NADK: variants seen among roughly 807,000 people sequenced by gnomAD.
The protein encoded by NADK is poly(P)/ATP NAD kinase.
Under a neutral mutation model 49.8 loss-of-function variants are expected in NADK, and 22 were observed. The observed-to-expected ratio is 0.44, with a 90% CI of 0.32 to 0.63. The LOEUF is 0.63. NADK is among the 30% of genes least tolerant of loss of function. The pLI is 0.06. For missense variants in NADK, 438 were observed against 609.4 expected, an observed-to-expected ratio of 0.72 and a Z score of 2.96; for synonymous variants, 268 against 253.7, an observed-to-expected ratio of 1.06 and a Z score of -0.54.
Position 1,754,628 on chromosome 1 carries a change from C to T in NADK, c.759G>A (p.Thr253=), listed in dbSNP as rs185484285. 75 of 1,613,790 alleles carry T rather than the reference C, an allele frequency of 4.6e-5. No homozygotes were observed. Among genetic ancestry groups the T allele is most frequent in the Middle Eastern group, 1.6e-4 (1 of 6,084 alleles). Residue 253 remains threonine, a synonymous_variant, in exon 8 of 12, where the codon ACG becomes ACA. Coordinates refer to ENST00000341426, the MANE Select transcript of NADK (RefSeq NM_023018.5). This position sits in a 1 kb window ranked among gnomAD's most constrained non-coding sequence, Gnocchi z 4.3. ...TCTCACCCAGCCCATTGTGCACGGC[C>T]GTCTTCTTCCCCCGGAGCTCCTTCA... is the stretch of plus-strand genomic sequence containing the variant. ...RVVKELRGKK[T]AVHNGLGENG... is the part of the protein sequence containing the mutation.
rs1280853778 is a variant in NADK at position 1,753,976 on chromosome 1, G to T, written c.1101+75C>A. On this transcript the variant is annotated intron_variant, in intron 10 of 11. Coordinates refer to ENST00000341426, the MANE Select transcript of NADK (RefSeq NM_023018.5). Reference sequence around the variant, plus strand: ...GCTGGAGCCAGCATGGCAGAGCGGGGTGCTAGGTCCCGGCTTTGTGTTGCA... The same window carrying T: ...GCTGGAGCCAGCATGGCAGAGCGGGTTGCTAGGTCCCGGCTTTGTGTTGCA... The T allele has an allele frequency of 2.7e-6, 4 of 1,496,686 alleles. No individual in the cohort carries two copies. The East Asian group carries it at 6.8e-5, about 26-fold the overall frequency. The allele number at this position is 1,496,686 out of a possible 1,614,324, so 92.7% of individuals were successfully genotyped here.
At chr1:1,755,776 G>A (rs141101643) in intron 6 of NADK, among the ~76,000 whole-genome samples, 77 of 152,288 alleles carry the variant, frequency 5.1e-4, no homozygotes, top group African/African-American at 1.8e-3. Flanking sequence ...CCTTGGGGTC[G>A]GAGCCTCGCG....
At chr1:1,770,471 A>T (rs988385995) in intron 1 of NADK, among the ~76,000 whole-genome samples, 24 of 152,232 alleles carry the variant, frequency 1.6e-4, no homozygotes, top group African/African-American at 5.8e-4. Context: ...CAGAAGGCAA[A>T]TTCAATACAC....
At chr1:1,764,585 A>G (rs1444458742) in intron 2 of NADK, among the ~76,000 whole-genome samples, 1 of 152,126 alleles carries the variant, frequency 6.6e-6, no homozygotes, top group Non-Finnish European at 1.5e-5. Flanking sequence ...ATGTCCCCTC[A>G]CACCCCAGTG....
At chr1:1,758,765 C>CCA (rs1419992957) in intron 3 of NADK, 1 of 576,828 alleles carries the variant, frequency 1.7e-6, no homozygotes, top group African/African-American at 2.0e-5. Flanking sequence ...AGCAAAGAGG[C>CCA]CACACTTCAG....
chr1:1,774,055 A>G (rs1308845416), intron 1 of NADK, among the ~76,000 whole-genome samples: 1 of 152,010 alleles, frequency 6.6e-6, no homozygotes, highest in African/African-American at 2.4e-5. Flanking sequence ...GTTCATATTT[A>G]TTTGCGAAGA....
At chr1:1,774,804 C>A (rs1469261544) in intron 1 of NADK, among the ~76,000 whole-genome samples, 1 of 152,072 alleles carries the variant, frequency 6.6e-6, no homozygotes, top group East Asian at 1.9e-4. Context: ...TAGCATGAAT[C>A]TAATTTTAAA....
chr1:1,764,621 G>A (rs1200683859), intron 2 of NADK, among the ~76,000 whole-genome samples: 1 of 152,202 alleles, frequency 6.6e-6, no homozygotes, highest in Non-Finnish European at 1.5e-5. Flanking sequence ...ATGTTTCCAG[G>A]CCAGGCACAG....
At position 1,778,247 on chromosome 1, in the gene NADK, G is replaced by A. The variant is rs1387271320; in HGVS notation, c.-41+42C>T. 6.6e-6 allele frequency: 1 copy of A among 152,050 alleles called. No homozygotes were observed. The highest frequency in any genetic ancestry group is 1.5e-5 in the Non-Finnish European group (1 of 67,968). 9.4% of individuals were successfully genotyped at this position (152,050 alleles called of 1,614,324 possible). A position where few individuals can be genotyped will look rare whatever the true frequency, so the allele number is the denominator to read the frequency against. On this transcript the variant is annotated intron_variant, in intron 1 of 11. Coordinates refer to ENST00000341426, the MANE Select transcript of NADK (RefSeq NM_023018.5). This position sits in a 1 kb window ranked among gnomAD's most constrained non-coding sequence, Gnocchi z 4.9. The stretch of plus-strand genomic sequence containing the variant: ...GCGGGCAGCGATGACCCCAGGCAGC[G>A]GGCGACCCCAGGCGGACGGCAGGCC...
In NADK at chr1:1,759,670, G is replaced by A. The variant is rs570655796; in HGVS notation, c.263+2282C>T. 653 of 1,494,364 alleles carry A rather than the reference G, an allele frequency of 4.4e-4. 10 individuals carry two copies. The South Asian group carries it at 7.7e-3, about 18-fold the overall frequency. The allele number at this position is 1,494,364 out of a possible 1,614,324, so 92.6% of individuals were successfully genotyped here. ...ATCCCAGAGACACAGAGCCCAGAGG[G>A]GGCGTGCTCCCATGGGGGTGCCGAG... On this transcript the variant is annotated intron_variant, in intron 3 of 11. Transcript: ENST00000341426.
At chr1:1,753,390 C>T (rs896880356) in intron 11 of NADK, among the ~76,000 whole-genome samples, 177 bp downstream of exon 11, 13 of 152,184 alleles carry the variant, frequency 8.5e-5, no homozygotes, top group African/African-American at 2.4e-4. Flanking sequence ...CCACCGTATG[C>T]GACCCGCTGC....
At position 1,756,577 on chromosome 1, in the gene NADK, A is replaced by C; in HGVS notation, c.425T>G (p.Val142Gly). Residue 142 changes from valine (V) to glycine (G), a missense_variant, in exon 5 of 12, where the codon GTG becomes GGG. Coordinates refer to ENST00000341426, the MANE Select transcript of NADK (RefSeq NM_023018.5). Reference protein sequence around the residue: ...ENMIVYVEKKVLEDPAIASDE... With the variant: ...ENMIVYVEKKGLEDPAIASDE... ...GCTGGCGATGGCAGGGTCTTCTAGC[A>C]CTTTCTTTTCCACATACACGATCAT... 6.2e-7 allele frequency: 1 copy of C among 1,614,090 alleles called. No individual in the cohort carries two copies. The highest frequency in any genetic ancestry group is 8.5e-7 in the Non-Finnish European group (1 of 1,180,026).
At chr1:1,758,687 A>AACAAAAC (rs35357728) in intron 3 of NADK, 2 of 1,388,772 alleles carry the variant, frequency 1.4e-6, no homozygotes, top group African/African-American at 1.5e-5. Context: ...AACAAAACAA[A>AACAAAAC]ACAGTTTCCT....
rs1645460671 is a variant in NADK at position 1,754,861 on chromosome 1, A to T, written c.689-163T>A. The T allele has an allele frequency of 4.5e-6, 3 of 660,908 alleles. No individual in the cohort carries two copies. The allele number at this position is 660,908 out of a possible 1,614,324, so 40.9% of individuals were successfully genotyped here. On this transcript the variant is annotated intron_variant, in intron 7 of 11. Transcript: ENST00000341426. The surrounding 1 kb of genome is among the most constrained non-coding windows in gnomAD (Gnocchi z 4.3). ...TTTTGAGATGGAGTCTCACTCTGTC[A>T]CCCAGGCTGGAATGCAGTGGTGTGA...
At chr1:1,753,689 G>T (rs758561432) in intron 10 of NADK, 40 bp from the exon 11 acceptor site, 3 of 1,547,030 alleles carry the variant, frequency 1.9e-6, no homozygotes, top group East Asian at 2.3e-5. Flanking sequence ...CCCCAGCTGT[G>T]GGGAGGACGC....
In NADK at chr1:1,754,552, G is replaced by T. The variant is rs1363739827; in HGVS notation, c.835C>A (p.Gln279Lys). Residue 279 changes from glutamine to lysine, a missense_variant, in exon 8 of 12, where the codon CAG becomes AAG. Physicochemically the swap from Gln to Lys is moderately conservative, Grantham distance 53. Coordinates refer to ENST00000341426, the MANE Select transcript of NADK (RefSeq NM_023018.5). The surrounding 1 kb of genome is among the most constrained non-coding windows in gnomAD (Gnocchi z 4.3). ...LDMDVGKQAM[Q>K]YQVLNEVVID... ...GAGGCGCCTCCACTCACCTGGTACT[G>T]CATGGCCTGCTTCCCGACATCCATG... The T allele has an allele frequency of 1.5e-5, 24 of 1,611,600 alleles. No homozygotes were observed. The highest frequency in any genetic ancestry group is 2.0e-5 in the Non-Finnish European group (24 of 1,179,140).
At chr1:1,769,927 A>G (rs1336378807) in intron 1 of NADK, among the ~76,000 whole-genome samples, 1 of 152,020 alleles carries the variant, frequency 6.6e-6, no homozygotes, top group Non-Finnish European at 1.5e-5. Flanking sequence ...AAATACAAAA[A>G]AAGGGCTGGG....
intron 7 of NADK, 140 bp downstream of exon 7, chr1:1,755,234 C>G: frequency 5.7e-6 from 4 of 707,120 alleles, no homozygotes; most frequent in South Asian, 5.2e-5. Context: ...TTGAACCACT[C>G]AAGATTTAGA....
chr1:1,755,541 A>G (rs1336622953), intron 6 of NADK, 65 bp from the exon 7 acceptor site: 12 of 1,225,120 alleles, frequency 9.8e-6, no homozygotes, highest in Non-Finnish European at 1.3e-5. Context: ...CCAGCTTTCC[A>G]GCAGCACCTC....
Sources: allele counts gnomAD v4.1 joint callset (sites outside exome capture counted in the v4.1 genomes callset), GRCh38; gene constraint gnomAD v4.1.1; non-coding constraint Gnocchi (gnomAD v3.1); transcripts MANE v1.5; gene names NCBI Gene and HGNC (gene_info 2026-07-23, HGNC 2026-07-21).